CYFIP2: variants seen among roughly 807,000 people sequenced by gnomAD.
CYFIP2 encodes the protein cytoplasmic FMR1-interacting protein 2.
A neutral mutation model predicts 158.7 loss-of-function variants in CYFIP2; 29 were observed. The observed-to-expected ratio is 0.18, with a 90% CI of 0.14 to 0.25. The LOEUF is 0.25. CYFIP2 is among the 10% of genes least tolerant of loss of function. The probability of loss-of-function intolerance (pLI) is 1.00; values close to 1 mark genes in which losing one functional copy is unlikely to be tolerated. For missense variants in CYFIP2, 852 were observed against 1,639.5 expected, an observed-to-expected ratio of 0.52 and a Z score of 8.29; for synonymous variants, 585 against 617.6, an observed-to-expected ratio of 0.95 and a Z score of 0.78.
intron 26 of CYFIP2, among the ~76,000 whole-genome samples, chr5:157,374,835 G>T (rs566232757): frequency 6.6e-6 from 1 of 152,264 alleles, no homozygotes; most frequent in South Asian, 2.1e-4. Context: ...TTTGCTGATT[G>T]CACATTCCAG....
chr5:157,368,902 G>GTTTTT (rs57932474), intron 26 of CYFIP2, among the ~76,000 whole-genome samples: 2 of 143,294 alleles, frequency 1.4e-5, no homozygotes, highest in African/African-American at 5.2e-5. Flanking sequence ...TTGTTTTTTT[G>GTTTTT]TTTTTTTTTT....
At chr5:157,379,456 A>G (rs1765817974) in intron 26 of CYFIP2, among the ~76,000 whole-genome samples, 1 of 151,580 alleles carries the variant, frequency 6.6e-6, no homozygotes, top group Non-Finnish European at 1.5e-5. Flanking sequence ...TTAAAGAAAT[A>G]TCATTCCTAC....
chr5:157,313,028 A>C (rs1432810225), intron 11 of CYFIP2, among the ~76,000 whole-genome samples: 2 of 152,074 alleles, frequency 1.3e-5, no homozygotes, highest in Non-Finnish European at 2.9e-5. Flanking sequence ...CTTAATTCCT[A>C]CTCTCATTTT....
chr5:157,330,444 G>A (rs534254701), intron 19 of CYFIP2, among the ~76,000 whole-genome samples: 1 of 152,240 alleles, frequency 6.6e-6, no homozygotes, highest in East Asian at 1.9e-4. Flanking sequence ...TACCCAGAAT[G>A]TTTCCTGGGA....
In CYFIP2 at chr5:157,304,264, C is replaced by T; in HGVS notation, c.693C>T (p.Ile231=). 1 of 1,613,290 alleles carries T rather than the reference C, an allele frequency of 6.2e-7. No individual in the cohort carries two copies. Among genetic ancestry groups the T allele is most frequent in the Non-Finnish European group, 8.5e-7 (1 of 1,179,830 alleles). Residue 231 remains isoleucine (I), a synonymous_variant, in exon 8 of 31, where the codon ATC becomes ATT. Transcript: ENST00000620254. ...TQCLHQQLEV[I]PGYEELLADI... ...GTCTCCACCAGCAACTTGAAGTGATCCCAGGCTATGAGGAGCTGCTGGCTG... is the reference window on the plus strand; with the variant it reads ...GTCTCCACCAGCAACTTGAAGTGATTCCAGGCTATGAGGAGCTGCTGGCTG...
intron 26 of CYFIP2, among the ~76,000 whole-genome samples, chr5:157,367,799 G>A (rs1449294473): frequency 4.3e-5 from 6 of 139,534 alleles, no homozygotes; most frequent in African/African-American, 1.6e-4. Flanking sequence ...CTGTTGCCCA[G>A]GCTGGAGTGC....
At chr5:157,270,908 A>G (rs886152859) in intron 1 of CYFIP2, among the ~76,000 whole-genome samples, 2 of 152,196 alleles carry the variant, frequency 1.3e-5, no homozygotes, top group African/African-American at 4.8e-5. Flanking sequence ...GTGTGTGCCT[A>G]TCTCTGTGCT....
intron 11 of CYFIP2, among the ~76,000 whole-genome samples, chr5:157,312,128 A>G (rs1759775785): frequency 6.6e-6 from 1 of 152,148 alleles, no homozygotes; most frequent in Non-Finnish European, 1.5e-5. Context: ...ATGATAAGTG[A>G]TGCAAACCAT....
At chr5:157,369,189 C>T (rs572800005) in intron 26 of CYFIP2, among the ~76,000 whole-genome samples, 4 of 152,128 alleles carry the variant, frequency 2.6e-5, no homozygotes, top group South Asian at 2.1e-4. Context: ...TGAGCCACCG[C>T]GCCCGGCCAT....
At chr5:157,390,199 G>C (rs1374770569) in intron 29 of CYFIP2, among the ~76,000 whole-genome samples, 1 of 152,104 alleles carries the variant, frequency 6.6e-6, no homozygotes, top group Non-Finnish European at 1.5e-5. Flanking sequence ...GACCTGCACG[G>C]AGTAATCAGC....
intron 19 of CYFIP2, among the ~76,000 whole-genome samples, chr5:157,328,782 AG>A (rs987823372): frequency 8.2e-4 from 125 of 152,328 alleles, no homozygotes; most frequent in African/African-American, 2.8e-3. Context: ...AATGAATTGG[AG>A]AGGAATGGGT....
chr5:157,288,467 A>T (rs1757567093), intron 3 of CYFIP2: 1 of 377,714 alleles, frequency 2.6e-6, no homozygotes, highest in Non-Finnish European at 5.3e-6. Flanking sequence ...CATTCATTCA[A>T]TAAGTATTGT....
chr5:157,274,152 G>A (rs563380803), intron 1 of CYFIP2, among the ~76,000 whole-genome samples: 50 of 145,886 alleles, frequency 3.4e-4, no homozygotes, highest in South Asian at 6.5e-4. Context: ...AAAAAAAACC[G>A]TTCAGTGGTT....
chr5:157,392,856 G>C lies in CYFIP2; in HGVS notation c.3618G>C (p.Arg1206=). 6.2e-7 allele frequency: 1 copy of C among 1,613,862 alleles called. No individual in the cohort carries two copies. Among genetic ancestry groups the C allele is most frequent in the Non-Finnish European group, 8.5e-7 (1 of 1,179,844 alleles). ...AGCCCCTGAAGAAGATGGCCGACCG[G>C]ATCAGGAAGTATCAGATCTTGAACA... ...KNVPLKKMAD[R]IRKYQILNNE... is the part of the protein sequence containing the mutation. Residue 1206 remains arginine, a synonymous_variant, in exon 31 of 31, where the codon CGG becomes CGC. Transcript: ENST00000620254.
At chr5:157,355,742 G>C (rs563022527) in intron 23 of CYFIP2, among the ~76,000 whole-genome samples, 1 of 152,340 alleles carries the variant, frequency 6.6e-6, no homozygotes, top group South Asian at 2.1e-4. Flanking sequence ...TATTTGAAAA[G>C]GGGACAAACG....
chr5:157,274,950 T>A (rs143209547), intron 1 of CYFIP2, among the ~76,000 whole-genome samples: 12,383 of 152,138 alleles, frequency 0.081, 661 homozygotes, highest in Middle Eastern at 0.15. Context: ...TTTAAAAAAA[T>A]TTTTTTGTAG....
At chr5:157,325,132 G>A (rs982201850) in intron 16 of CYFIP2, among the ~76,000 whole-genome samples, 2 of 152,018 alleles carry the variant, frequency 1.3e-5, no homozygotes, top group Non-Finnish European at 2.9e-5. Context: ...GAGCCTCTGC[G>A]CCCGGCCACG....
At position 157,366,157 on chromosome 5, in the gene CYFIP2, G is replaced by A. The variant is rs927273166; in HGVS notation, c.3039+4559G>A. Among the ~76,000 whole-genome samples, 15 of 152,216 alleles carry A rather than the reference G, an allele frequency of 9.9e-5. No homozygotes were observed. The East Asian group carries it at 2.7e-3, about 27-fold the overall frequency. On this transcript the variant is annotated intron_variant, in intron 26 of 30. Coordinates refer to ENST00000620254, the MANE Select transcript of CYFIP2 (RefSeq NM_001037333.3). The stretch of plus-strand genomic sequence containing the variant: ...CTTTAATCATAGCCATTCTGGGGGG[G>A]CTGTCATGTTTCATTATGATTTTGA...
At chr5:157,351,513 G>A (rs371239942) in intron 23 of CYFIP2, among the ~76,000 whole-genome samples, 9 of 152,292 alleles carry the variant, frequency 5.9e-5, no homozygotes, top group South Asian at 2.1e-4. Context: ...GTGTGTTCTC[G>A]TTTTACAAAC....
Sources: allele counts gnomAD v4.1 joint callset (sites outside exome capture counted in the v4.1 genomes callset), GRCh38; gene constraint gnomAD v4.1.1; transcripts MANE v1.5; gene names NCBI Gene and HGNC (gene_info 2026-07-23, HGNC 2026-07-21).